BPTF: variants seen among roughly 807,000 people sequenced by gnomAD.
BPTF encodes the protein nucleosome-remodeling factor subunit BPTF.
A neutral mutation model predicts 292.5 loss-of-function variants in BPTF; 18 were observed. The observed-to-expected ratio is 0.06, with a 90% CI of 0.04 to 0.09. The LOEUF (loss-of-function observed/expected upper bound fraction) is 0.09. BPTF is among the 10% of genes least tolerant of loss of function. The pLI is 1.00. For synonymous variants in BPTF, 1,225 were observed against 1,251.9 expected, an observed-to-expected ratio of 0.98 and a Z score of 0.45; for missense variants, 2,726 against 3,498.7, an observed-to-expected ratio of 0.78 and a Z score of 5.57.
At chr17:67,827,277 C>CT (rs1274268245) in intron 1 of BPTF, among the ~76,000 whole-genome samples, 4 of 152,166 alleles carry the variant, frequency 2.6e-5, no homozygotes, top group Admixed American at 2.0e-4. Context: ...TACACAACGA[C>CT]TTTTTCTTTT....
chr17:67,887,977 C>T (rs1455269945), intron 4 of BPTF, among the ~76,000 whole-genome samples: 3 of 152,198 alleles, frequency 2.0e-5, no homozygotes, highest in African/African-American at 7.2e-5. Flanking sequence ...CATATTGTTT[C>T]TAACCCTATG....
In BPTF at chr17:67,875,804, A is replaced by G. The variant is rs533406481; in HGVS notation, c.1864+784A>G. On this transcript the variant is annotated intron_variant, in intron 4 of 27. Transcript: ENST00000306378. ...GGGGGAATCCTTCCCTTTTGTAGTA[A>G]AAGCCGAATGTCACCTAAAACCTTA... The G allele has an allele frequency of 1.8e-4, 240 of 1,319,368 alleles. 1 individual carries two copies. In the African/African-American group the frequency reaches 3.3e-3, roughly 18 times the overall value. 81.7% of individuals were successfully genotyped at this position (1,319,368 alleles called of 1,614,324 possible). A position where few individuals can be genotyped will look rare whatever the true frequency, so the allele number is the denominator to read the frequency against.
At chr17:67,844,271 G>A (rs1350574116) in intron 1 of BPTF, among the ~76,000 whole-genome samples, 6 of 148,572 alleles carry the variant, frequency 4.0e-5, no homozygotes, top group Admixed American at 6.7e-5. Context: ...TTTTTGAGAC[G>A]GAGTCTAGCT....
intron 7 of BPTF, among the ~76,000 whole-genome samples, chr17:67,898,535 T>C (rs1452171522): frequency 6.6e-6 from 1 of 152,112 alleles, no homozygotes; most frequent in African/African-American, 2.4e-5. Flanking sequence ...ATCTTGAATC[T>C]CTGACCTCAA....
intron 18 of BPTF, among the ~76,000 whole-genome samples, chr17:67,939,544 T>G (rs1165172189): frequency 6.6e-6 from 1 of 152,196 alleles, no homozygotes; most frequent in Non-Finnish European, 1.5e-5. Flanking sequence ...CCAGTTCAAC[T>G]TCATTCATTC....
At chr17:67,898,080 CAAAG>C (rs1225288434) in intron 7 of BPTF, among the ~76,000 whole-genome samples, 1 of 152,106 alleles carries the variant, frequency 6.6e-6, no homozygotes, top group African/African-American at 2.4e-5. Context: ...TTTAAGAAGT[CAAAG>C]AAAGGCTGGA....
Position 67,948,451 on chromosome 17 carries a change from CGT to C in BPTF, c.7926+152_7926+153del, listed in dbSNP as rs547911099. ...GTACATAGAGTAAAAAGCAGTGCAGCGTGTGTGTCTTGCAAAACAAGTCAGAG... is the reference window on the plus strand; with the variant it reads ...GTACATAGAGTAAAAAGCAGTGCAGCGTGTGTCTTGCAAAACAAGTCAGAG... On this transcript the variant is annotated intron_variant, in intron 23 of 27. Transcript: ENST00000306378. 263 of 743,662 alleles carry C rather than the reference CGT, an allele frequency of 3.5e-4. 2 individuals are homozygous for C. In the South Asian group the frequency reaches 4.7e-3, roughly 13 times the overall value. The allele number at this position is 743,662 out of a possible 1,614,324, so 46.1% of individuals were successfully genotyped here. A position where few individuals can be genotyped will look rare whatever the true frequency, so the allele number is the denominator to read the frequency against.
chr17:67,929,292 C>T (rs768001370), intron 16 of BPTF, 44 bp from the exon 17 acceptor site: 2 of 1,609,074 alleles, frequency 1.2e-6, no homozygotes. Context: ...TAATGCTTTC[C>T]AATAAAGTGA....
At chr17:67,829,345 T>C (rs1024243818) in intron 1 of BPTF, among the ~76,000 whole-genome samples, 1 of 152,078 alleles carries the variant, frequency 6.6e-6, no homozygotes, top group African/African-American at 2.4e-5. Context: ...CTTTTTTTTT[T>C]CCTTATCTCT....
chr17:67,867,036 T>C (rs2059430291), intron 3 of BPTF, among the ~76,000 whole-genome samples: 1 of 152,236 alleles, frequency 6.6e-6, no homozygotes. Flanking sequence ...GTAATACGTA[T>C]AATCTTATGT....
At chr17:67,946,457 T>C in intron 21 of BPTF, 132 bp downstream of exon 21, 1 of 1,335,120 alleles carries the variant, frequency 7.5e-7, no homozygotes, top group Non-Finnish European at 1.0e-6. Flanking sequence ...GAAGAAACAC[T>C]GAATTGACCA....
chr17:67,948,069 A>T lies in BPTF; in HGVS notation c.7701-12A>T. Reference sequence around the variant, plus strand: ...ACGCCCAGCATTACATAGGTTGTGTATTTTTCTCTAGAATGATTGTCTGTA... The same window carrying T: ...ACGCCCAGCATTACATAGGTTGTGTTTTTTTCTCTAGAATGATTGTCTGTA... On this transcript the variant is annotated splice_polypyrimidine_tract_variant and intron_variant, in intron 22 of 27. Coordinates refer to ENST00000306378, the MANE Select transcript of BPTF (RefSeq NM_182641.4). The T allele has an allele frequency of 6.2e-7, 1 of 1,606,858 alleles. No individual in the cohort carries two copies. The highest frequency in any genetic ancestry group is 8.5e-7 in the Non-Finnish European group (1 of 1,173,616).
chr17:67,845,511 G>T (rs764253883), intron 1 of BPTF, among the ~76,000 whole-genome samples: 2 of 152,170 alleles, frequency 1.3e-5, no homozygotes, highest in Non-Finnish European at 2.9e-5. Context: ...GGTGGTTCAC[G>T]CTTGTAATCC....
chr17:67,962,778 C>T (rs1166955621), intron 24 of BPTF, among the ~76,000 whole-genome samples: 1 of 152,062 alleles, frequency 6.6e-6, no homozygotes, highest in African/African-American at 2.4e-5. Flanking sequence ...TAGTTTTCTT[C>T]TTCATATCAT....
intron 11 of BPTF, among the ~76,000 whole-genome samples, chr17:67,918,498 T>TA (rs1056728748): frequency 2.6e-5 from 4 of 151,304 alleles, no homozygotes; most frequent in Admixed American, 6.6e-5. Flanking sequence ...TAGCCCCTTT[T>TA]AAAAAAAAAT....
At position 67,973,353 on chromosome 17, in the gene BPTF, G is replaced by A. The variant is rs561747749; in HGVS notation, c.8540-2419G>A. The stretch of plus-strand genomic sequence containing the variant: ...CCCGCCACTGCACTCCAGCCTGGGC[G>A]ACAGAGCGAGACTGTCTCAAGAAAA... On this transcript the variant is annotated intron_variant, in intron 26 of 27. Coordinates refer to ENST00000306378, the MANE Select transcript of BPTF (RefSeq NM_182641.4). 1.8e-4 allele frequency among the ~76,000 whole-genome samples: 27 copies of A among 150,590 alleles called. No individual in the cohort carries two copies. In the South Asian group the frequency reaches 3.3e-3, roughly 19 times the overall value.
chr17:67,950,831 T>C (rs2066281641), intron 23 of BPTF: 1 of 86,310 alleles, frequency 1.2e-5, no homozygotes, highest in South Asian at 6.2e-4. Context: ...AGAGTGAGAC[T>C]AGGTCTCAAA....
In BPTF at chr17:67,964,365, G is replaced by A. The variant is rs782633592; in HGVS notation, c.8415G>A (p.Lys2805=). The A allele has an allele frequency of 5.0e-6, 8 of 1,614,032 alleles. No homozygotes were observed. In the African/African-American group the frequency reaches 9.3e-5, roughly 19 times the overall value. The change falls in exon 25 of 28, where the codon AAG becomes AAA. Residue 2805 remains lysine, a synonymous_variant. Transcript: ENST00000306378. Reference sequence around the variant, plus strand: ...CAGTGCTCACGCCACTAACAGAGAAGGATTATGAGGGGTTGAAGAGGGTGC... The same window carrying A: ...CAGTGCTCACGCCACTAACAGAGAAAGATTATGAGGGGTTGAAGAGGGTGC... ...AMTVLTPLTE[K]DYEGLKRVLR...
chr17:67,862,626 A>C (rs1357266546), intron 2 of BPTF, among the ~76,000 whole-genome samples: 1 of 152,136 alleles, frequency 6.6e-6, no homozygotes, highest in Non-Finnish European at 1.5e-5. Flanking sequence ...TAATTGCTGA[A>C]TTGCTAGTTT....
Sources: gnomAD v4.1 joint callset for allele counts (sites outside exome capture counted in the v4.1 genomes callset) on GRCh38, gnomAD v4.1.1 for gene constraint, MANE v1.5 for transcripts, NCBI Gene and HGNC (gene_info 2026-07-23, HGNC 2026-07-21) for gene names.